The following C1orf21 variants were observed in gnomAD, a reference collection of about 807,000 sequenced individuals.
The protein encoded by C1orf21 is uncharacterized protein C1orf21.
Under a neutral mutation model 18.7 loss-of-function variants are expected in C1orf21, and 3 were observed. The observed-to-expected ratio is 0.16, with a 90% confidence interval of 0.07 to 0.42. The LOEUF (loss-of-function observed/expected upper bound fraction) is 0.42. C1orf21 is among the 10% of genes least tolerant of loss of function. The pLI is 0.99. For synonymous variants in C1orf21, 41 were observed against 46.4 expected (o/e 0.88, Z 0.47); for missense variants, 104 against 143.6 (o/e 0.72, Z 1.41).
At chr1:184,594,900 G>A (rs1192779352) in intron 4 of C1orf21, among the ~76,000 whole-genome samples, 2 of 152,188 alleles carry the variant, frequency 1.3e-5, no homozygotes, top group African/African-American at 4.8e-5. Context: ...GACACCAAAA[G>A]CGAAAGCCCC....
intron 1 of C1orf21, among the ~76,000 whole-genome samples, chr1:184,442,425 A>G (rs1038921235): frequency 3.3e-5 from 5 of 152,218 alleles, no homozygotes; most frequent in African/African-American, 1.2e-4. Context: ...TATGATAAAG[A>G]TTACGTGAAA....
chr1:184,489,007 ACGC>A (rs913520728), intron 2 of C1orf21, among the ~76,000 whole-genome samples: 14 of 152,160 alleles, frequency 9.2e-5, no homozygotes, highest in African/African-American at 3.4e-4. Context: ...ACTACAAAAA[ACGC>A]AAGTGAGTAT....
intron 1 of C1orf21, among the ~76,000 whole-genome samples, chr1:184,421,119 T>C (rs906498233): frequency 1.3e-5 from 2 of 152,286 alleles, no homozygotes; most frequent in South Asian, 4.1e-4. Flanking sequence ...CACTTCTGCT[T>C]TAATACATTC....
chr1:184,541,584 T>G (rs1470822163), intron 3 of C1orf21, among the ~76,000 whole-genome samples: 1 of 152,222 alleles, frequency 6.6e-6, no homozygotes, highest in Non-Finnish European at 1.5e-5. Context: ...GGAGAAAATA[T>G]GTGATTCTTA....
chr1:184,584,988 C>T (rs964317804), intron 3 of C1orf21, among the ~76,000 whole-genome samples: 2 of 152,064 alleles, frequency 1.3e-5, no homozygotes, highest in African/African-American at 2.4e-5. Context: ...ACTGGATTGT[C>T]GTGATGACTG....
chr1:184,486,126 T>C (rs1036840954), intron 2 of C1orf21, among the ~76,000 whole-genome samples: 7 of 152,214 alleles, frequency 4.6e-5, no homozygotes, highest in African/African-American at 1.7e-4. Flanking sequence ...CTCAGAGCTT[T>C]TAACTGCATT....
chr1:184,405,359 C>A (rs968498744), intron 1 of C1orf21, among the ~76,000 whole-genome samples: 15 of 151,990 alleles, frequency 9.9e-5, no homozygotes, highest in African/African-American at 3.6e-4. Context: ...CCATGCCTGG[C>A]AAATTTTTGT....
intron 3 of C1orf21, among the ~76,000 whole-genome samples, chr1:184,551,722 G>T (rs1164569335): frequency 6.6e-6 from 1 of 152,114 alleles, no homozygotes; most frequent in Non-Finnish European, 1.5e-5. Flanking sequence ...GGGGCTTTGG[G>T]GGTCCAGGGT....
At position 184,500,674 on chromosome 1, in the gene C1orf21, G is replaced by A. The variant is rs573529558; in HGVS notation, c.95-6914G>A. 1.1e-4 allele frequency among the ~76,000 whole-genome samples: 16 copies of A among 152,350 alleles called. No homozygotes were observed. In the East Asian group the frequency reaches 3.1e-3, roughly 29 times the overall value. On this transcript the variant is annotated intron_variant, in intron 2 of 5. Transcript: ENST00000235307. ...AGAAGAGAAAGGTCTTTTGAAGCCA[G>A]TGCTGTGTTCGTTGTAATTCACTGG...
Position 184,583,551 on chromosome 1 carries a change from T to C in C1orf21, c.190-7188T>C, listed in dbSNP as rs144633611. Among the ~76,000 whole-genome samples the C allele has an allele frequency of 3.5e-4, 53 of 152,268 alleles. No individual in the cohort carries two copies. The Middle Eastern group carries it at 0.01, about 29-fold the overall frequency. ...GCTCCACAGAGCCCCAAGGCTTAGG[T>C]TGAAAGCTGGCTCTGTAGAGAGCCA... On this transcript the variant is annotated intron_variant, in intron 3 of 5. Transcript: ENST00000235307.
chr1:184,612,873 GTATAT>G (rs1374184990), intron 5 of C1orf21, among the ~76,000 whole-genome samples: 3 of 152,170 alleles, frequency 2.0e-5, no homozygotes, highest in Non-Finnish European at 4.4e-5. Flanking sequence ...TTTTATTATA[GTATAT>G]TATTAGAATT....
At chr1:184,408,956 A>G (rs1656289863) in intron 1 of C1orf21, among the ~76,000 whole-genome samples, 1 of 152,236 alleles carries the variant, frequency 6.6e-6, no homozygotes, top group African/African-American at 2.4e-5. Flanking sequence ...TGCCTTAATC[A>G]CATGGCCATT....
chr1:184,390,586 A>G (rs928317994), intron 1 of C1orf21, among the ~76,000 whole-genome samples: 19 of 152,176 alleles, frequency 1.2e-4, no homozygotes, highest in Non-Finnish European at 2.5e-4. Flanking sequence ...TCTCCTAAAA[A>G]TACTATTTTG....
At chr1:184,544,403 T>G (rs996112853) in intron 3 of C1orf21, among the ~76,000 whole-genome samples, 9 of 152,106 alleles carry the variant, frequency 5.9e-5, no homozygotes, top group Non-Finnish European at 8.8e-5. Context: ...CTTTTGAAAT[T>G]AAAAAAACAC....
intron 3 of C1orf21, among the ~76,000 whole-genome samples, chr1:184,509,385 T>G (rs970520227): frequency 2.0e-5 from 3 of 152,208 alleles, no homozygotes; most frequent in Non-Finnish European, 4.4e-5. Flanking sequence ...ATTTGTGGAT[T>G]ATCTGTGACA....
intron 1 of C1orf21, among the ~76,000 whole-genome samples, chr1:184,423,661 A>T (rs1656583307): frequency 6.6e-6 from 1 of 152,196 alleles, no homozygotes; most frequent in Admixed American, 6.5e-5. Context: ...ACAGATGGTT[A>T]TCCAGCTGAT....
chr1:184,518,509 TC>T (rs1658261766), intron 3 of C1orf21, among the ~76,000 whole-genome samples: 1 of 152,172 alleles, frequency 6.6e-6, no homozygotes, highest in Non-Finnish European at 1.5e-5. Context: ...CACTTCAATC[TC>T]CTGTGAAGAA....
chr1:184,522,807 C>T (rs1441686784), intron 3 of C1orf21, among the ~76,000 whole-genome samples: 3 of 152,200 alleles, frequency 2.0e-5, no homozygotes, highest in Non-Finnish European at 4.4e-5. Flanking sequence ...CCCACTTCAG[C>T]CTCCTGAGTA....
At chr1:184,592,608 G>T (rs1314794565) in intron 4 of C1orf21, among the ~76,000 whole-genome samples, 1 of 152,070 alleles carries the variant, frequency 6.6e-6, no homozygotes, top group Non-Finnish European at 1.5e-5. Context: ...GATGACACTG[G>T]TACATTTGAC....
Sources: gnomAD v4.1 joint callset for allele counts (sites outside exome capture counted in the v4.1 genomes callset) on GRCh38, gnomAD v4.1.1 for gene constraint, MANE v1.5 for transcripts, NCBI Gene and HGNC (gene_info 2026-07-23, HGNC 2026-07-21) for gene names.